BCAS4: variants seen among roughly 807,000 people sequenced by gnomAD.
BCAS4 encodes the protein breast carcinoma-amplified sequence 4.
A neutral mutation model predicts 15.7 loss-of-function variants in BCAS4; 9 were observed. That is an observed-to-expected ratio of 0.57 (90% CI 0.34 to 1.00). BCAS4 has a LOEUF of 1.00. Among genes scored for constraint, BCAS4 ranks in the 50% least tolerant of loss-of-function variants. The pLI, the probability that BCAS4 is intolerant of heterozygous loss-of-function variation, is 0.02. For missense variants in BCAS4, 225 were observed against 239.1 expected, an observed-to-expected ratio of 0.94 and a Z score of 0.39; for synonymous variants, 101 against 99.5, an observed-to-expected ratio of 1.02 and a Z score of -0.09.
chr20:50,868,620 G>A (rs948884396), intron 4 of BCAS4, among the ~76,000 whole-genome samples: 11 of 152,122 alleles, frequency 7.2e-5, no homozygotes, highest in Admixed American at 4.6e-4. Flanking sequence ...TGGGGGTCTC[G>A]TTCTATTGCC....
At chr20:50,860,916 G>C (rs1218464759) in intron 4 of BCAS4, among the ~76,000 whole-genome samples, 25 of 151,508 alleles carry the variant, frequency 1.7e-4, no homozygotes, top group Non-Finnish European at 1.5e-5. Context: ...TGTCACTTGA[G>C]CCCAGGAGGT....
At chr20:50,841,201 T>C (rs1018099478) in intron 3 of BCAS4, among the ~76,000 whole-genome samples, 8 of 152,122 alleles carry the variant, frequency 5.3e-5, no homozygotes, top group Non-Finnish European at 1.0e-4. Flanking sequence ...GGACTCAGCT[T>C]TCTGGTTGAC....
intron 1 of BCAS4, among the ~76,000 whole-genome samples, chr20:50,805,935 C>T (rs1469004378): frequency 6.6e-6 from 1 of 150,890 alleles, no homozygotes; most frequent in African/African-American, 2.4e-5. Context: ...TGAGATTGCG[C>T]CATTGCACTC....
intron 3 of BCAS4, among the ~76,000 whole-genome samples, chr20:50,833,748 T>G (rs2088372882): frequency 6.6e-6 from 1 of 152,154 alleles, no homozygotes; most frequent in Non-Finnish European, 1.5e-5. Context: ...AAACGTTTGC[T>G]GCACTGTAGG....
intron 3 of BCAS4, among the ~76,000 whole-genome samples, chr20:50,837,713 C>T (rs538158068): frequency 1.5e-4 from 23 of 152,340 alleles, no homozygotes; most frequent in East Asian, 1.2e-3. Flanking sequence ...TCTCTGGCTG[C>T]GGCTTGGCTG....
intron 2 of BCAS4, among the ~76,000 whole-genome samples, chr20:50,820,246 G>C (rs530244169): frequency 3.3e-5 from 5 of 152,338 alleles, no homozygotes; most frequent in Admixed American, 1.3e-4. Context: ...TGTATGTGGG[G>C]AGACTGATTT....
chr20:50,809,244 T>C (rs2088031727), intron 1 of BCAS4, among the ~76,000 whole-genome samples: 1 of 152,152 alleles, frequency 6.6e-6, no homozygotes, highest in Non-Finnish European at 1.5e-5. Context: ...AGTTTCACTC[T>C]TGTTGCTCAG....
intron 1 of BCAS4, among the ~76,000 whole-genome samples, chr20:50,817,700 G>T (rs1259772408): frequency 6.6e-6 from 1 of 152,088 alleles, no homozygotes; most frequent in Non-Finnish European, 1.5e-5. Context: ...GACCTCAGGT[G>T]ATCCGCCCGC....
intron 1 of BCAS4, among the ~76,000 whole-genome samples, chr20:50,815,452 T>C (rs888506860): frequency 3.3e-5 from 5 of 152,210 alleles, no homozygotes; most frequent in African/African-American, 1.2e-4. Flanking sequence ...TTCTTTCCCC[T>C]GGACCAGAAA....
chr20:50,881,533 G>A (rs1980116566), downstream of BCAS4: 1 of 152,144 alleles, frequency 6.6e-6, no homozygotes, highest in African/African-American at 2.4e-5. Context: ...GCTATGAACA[G>A]GAGTTTCACA....
At chr20:50,830,493 G>T in intron 3 of BCAS4, 113 bp downstream of exon 3, 1 of 802,096 alleles carries the variant, frequency 1.2e-6, no homozygotes, top group Non-Finnish European at 2.0e-6. Context: ...CCAATGCAGG[G>T]GGTTGGTGGT....
chr20:50,813,789 G>A (rs146488537), intron 1 of BCAS4, among the ~76,000 whole-genome samples: 11 of 148,198 alleles, frequency 7.4e-5, no homozygotes, highest in African/African-American at 2.3e-4. Flanking sequence ...TGTGAGAAGC[G>A]GGGATGTGGG....
At chr20:50,834,292 C>CTTTTTTT (rs74175526) in intron 3 of BCAS4, among the ~76,000 whole-genome samples, 6 of 121,100 alleles carry the variant, frequency 5.0e-5, no homozygotes, top group East Asian at 2.3e-4. Context: ...TCGAACTCTT[C>CTTTTTTT]TTTTTTTTTT....
At chr20:50,808,660 T>C (rs1252072721) in intron 1 of BCAS4, among the ~76,000 whole-genome samples, 2 of 152,246 alleles carry the variant, frequency 1.3e-5, no homozygotes, top group African/African-American at 4.8e-5. Context: ...TATCTTGTTT[T>C]GAGAACTGTC....
intron 2 of BCAS4, among the ~76,000 whole-genome samples, chr20:50,827,040 G>T (rs1483830785): frequency 6.6e-6 from 1 of 152,100 alleles, no homozygotes; most frequent in African/African-American, 2.4e-5. Context: ...AAAAAACGAA[G>T]AAACCAGCAT....
At chr20:50,853,684 G>GTGTGTTTTGTGCACT (rs1365721040) in intron 4 of BCAS4, among the ~76,000 whole-genome samples, 8 of 142,932 alleles carry the variant, frequency 5.6e-5, no homozygotes, top group African/African-American at 2.1e-4. Context: ...GTGTACTGGG[G>GTGTGTTTTGTGCACT]GGTGTTTTGT....
intron 4 of BCAS4, among the ~76,000 whole-genome samples, chr20:50,864,960 G>A (rs1184648431): frequency 3.3e-5 from 5 of 151,928 alleles, no homozygotes; most frequent in African/African-American, 1.2e-4. Flanking sequence ...AGGCATGGTG[G>A]CGCATGCCTG....
chr20:50,868,087 T>C (rs1368703109), intron 4 of BCAS4, among the ~76,000 whole-genome samples: 1 of 152,190 alleles, frequency 6.6e-6, no homozygotes, highest in Non-Finnish European at 1.5e-5. Flanking sequence ...TTCTCATGCT[T>C]AGACCAGGGC....
chr20:50,799,061 C>T lies in BCAS4; in HGVS notation c.90+3888C>T, dbSNP rs150324407. 1.3e-3 allele frequency among the ~76,000 whole-genome samples: 203 copies of T among 152,278 alleles called. 2 individuals carry two copies. In the Middle Eastern group the frequency reaches 0.014, roughly 10 times the overall value. ...TGGTCTAGTGTCCCAGGGACTCAGG[C>T]ACAGACATTTAGGTTGTCTGCGACT... On this transcript the variant is annotated intron_variant, in intron 1 of 4. Transcript: ENST00000371608.
Sources: gnomAD v4.1 joint callset for allele counts (sites outside exome capture counted in the v4.1 genomes callset) on GRCh38, gnomAD v4.1.1 for gene constraint, MANE v1.5 for transcripts, NCBI Gene and HGNC (gene_info 2026-07-23, HGNC 2026-07-21) for gene names.